N4BP1: variants seen among roughly 807,000 people sequenced by gnomAD.
N4BP1 encodes NEDD4-binding protein 1.
In N4BP1, 21 loss-of-function variants were observed where a neutral mutation model predicts 70.9. The ratio of observed to expected loss-of-function variants is 0.30; its 90% CI spans 0.21 to 0.43. The LOEUF is 0.43. N4BP1 is among the 20% of genes least tolerant of loss of function. The pLI, the probability that N4BP1 is intolerant of heterozygous loss-of-function variation, is 1.00. For synonymous variants in N4BP1, 387 were observed against 394.6 expected (o/e 0.98, Z 0.23); for missense variants, 936 against 1,069.4 (o/e 0.88, Z 1.74).
rs1049507170 is a variant in N4BP1, at chr16:48,542,760, T to C, written c.*144A>G. 2 of 695,154 alleles carry C rather than the reference T, an allele frequency of 2.9e-6. No individual in the cohort carries two copies. The highest frequency in any genetic ancestry group is 1.8e-5 in the African/African-American group (1 of 55,236). The allele number at this position is 695,154 out of a possible 1,614,324, so 43.1% of individuals were successfully genotyped here. ...AGCTGGTTTTGAAAACCCAGATTTATACCCAAAACATTTTTTTTCTGTACA... is the reference window on the plus strand; with the variant it reads ...AGCTGGTTTTGAAAACCCAGATTTACACCCAAAACATTTTTTTTCTGTACA... On this transcript the variant is annotated 3_prime_UTR_variant, in exon 7 of 7. Coordinates refer to ENST00000262384, the MANE Select transcript of N4BP1 (RefSeq NM_153029.4).
chr16:48,561,295 C>T lies in N4BP1; in HGVS notation c.1348G>A (p.Glu450Lys). 6.2e-7 allele frequency: 1 copy of T among 1,613,814 alleles called. No homozygotes were observed. Among genetic ancestry groups the T allele is most frequent in the South Asian group, 1.1e-5 (1 of 91,080 alleles). The change falls in exon 2 of 7, where the codon GAA (glutamate) becomes AAA (lysine). Residue 450 changes from glutamate (E) to lysine (K), a missense_variant. Transcript: ENST00000262384. Reference protein sequence around the residue: ...EKFSQLPFKVEAKPCTSNCRI... With the variant: ...EKFSQLPFKVKAKPCTSNCRI... ...CAATTTGAGGTACATGGTTTAGCTT[C>T]CACTTTGAATGGTAACTGAGAAAAT...
At chr16:48,577,104 G>A (rs1964105922) in intron 1 of N4BP1, among the ~76,000 whole-genome samples, 2 of 152,102 alleles carry the variant, frequency 1.3e-5, no homozygotes, top group African/African-American at 4.8e-5. Context: ...CCATTTCACT[G>A]GCAATCCCTT....
chr16:48,590,126 T>C (rs753181782), intron 1 of N4BP1, among the ~76,000 whole-genome samples: 1 of 152,090 alleles, frequency 6.6e-6, no homozygotes, highest in Non-Finnish European at 1.5e-5. Flanking sequence ...AATTAGTGGT[T>C]GAAATATTTT....
At chr16:48,549,348 T>A (rs1222724991) in intron 4 of N4BP1, among the ~76,000 whole-genome samples, 1 of 152,148 alleles carries the variant, frequency 6.6e-6, no homozygotes, top group Admixed American at 6.5e-5. Context: ...CCAGAAGTAT[T>A]AACAAAAATA....
At chr16:48,578,109 T>G (rs1964125024) in intron 1 of N4BP1, 1 of 161,866 alleles carries the variant, frequency 6.2e-6, no homozygotes, top group Non-Finnish European at 1.4e-5. Flanking sequence ...AGCCCCCAGT[T>G]AAAAGTCAAT....
rs1446751672 is a variant in N4BP1, at chr16:48,542,665, G to C, written c.*239C>G. 1 of 406,276 alleles carries C rather than the reference G, an allele frequency of 2.5e-6. No homozygotes were observed. Among genetic ancestry groups the C allele is most frequent in the Non-Finnish European group, 4.4e-6 (1 of 229,226 alleles). The allele number at this position is 406,276 out of a possible 1,614,324, so 25.2% of individuals were successfully genotyped here. A position where few individuals can be genotyped will look rare whatever the true frequency, so the allele number is the denominator to read the frequency against. On this transcript the variant is annotated 3_prime_UTR_variant, in exon 7 of 7. Coordinates refer to ENST00000262384, the MANE Select transcript of N4BP1 (RefSeq NM_153029.4). ...GCTATTAAACAGTTCTGAACAGGCAGAAAATGTAGACTTTCCTTTAACAGA... is the reference window on the plus strand; with the variant it reads ...GCTATTAAACAGTTCTGAACAGGCACAAAATGTAGACTTTCCTTTAACAGA...
At chr16:48,592,039 A>T (rs1014639005) in intron 1 of N4BP1, among the ~76,000 whole-genome samples, 20 of 152,142 alleles carry the variant, frequency 1.3e-4, no homozygotes, top group African/African-American at 4.8e-4. Context: ...TGCACGCTTT[A>T]ATCAAAGAAG....
chr16:48,574,824 T>TA (rs1341706136), intron 1 of N4BP1, among the ~76,000 whole-genome samples: 7 of 152,080 alleles, frequency 4.6e-5, no homozygotes, highest in Non-Finnish European at 7.4e-5. Context: ...GGTTACAAAA[T>TA]TAAGTAAGAG....
At chr16:48,568,737 C>T (rs1310899015) in intron 1 of N4BP1, among the ~76,000 whole-genome samples, 3 of 152,146 alleles carry the variant, frequency 2.0e-5, no homozygotes, top group Admixed American at 6.5e-5. Context: ...TTCTGTCCTT[C>T]GCAGTTTCTG....
chr16:48,598,311 C>T (rs1964449008), intron 1 of N4BP1, among the ~76,000 whole-genome samples: 2 of 152,182 alleles, frequency 1.3e-5, no homozygotes, highest in African/African-American at 4.8e-5. Context: ...TCCTCAGCTT[C>T]ATTAGGTCTT....
intron 1 of N4BP1, among the ~76,000 whole-genome samples, chr16:48,595,437 A>AT (rs1964396662): frequency 7.2e-6 from 1 of 138,200 alleles, no homozygotes; most frequent in Non-Finnish European, 1.5e-5. Context: ...AGCCTGGGCA[A>AT]TAGAGTGAGA....
intron 1 of N4BP1, among the ~76,000 whole-genome samples, chr16:48,566,208 C>G (rs887905887): frequency 6.6e-6 from 1 of 151,646 alleles, no homozygotes; most frequent in Admixed American, 6.6e-5. Flanking sequence ...CTTTTCTTTT[C>G]TTTCTTTTAT....
intron 1 of N4BP1, chr16:48,577,678 G>T (rs989071320): frequency 4.6e-6 from 1 of 215,230 alleles, no homozygotes; most frequent in East Asian, 1.1e-4. Context: ...CTTGGAGATG[G>T]CATCAAAGGT....
intron 1 of N4BP1, among the ~76,000 whole-genome samples, chr16:48,574,146 C>A (rs1938003267): frequency 6.6e-6 from 1 of 152,172 alleles, no homozygotes; most frequent in South Asian, 2.1e-4. Context: ...GGCTTAGAAG[C>A]AAGGAACTGC....
intron 1 of N4BP1, among the ~76,000 whole-genome samples, chr16:48,603,143 T>C (rs901160658): frequency 6.6e-6 from 1 of 152,232 alleles, no homozygotes; most frequent in Non-Finnish European, 1.5e-5. Context: ...TTTTCATTCT[T>C]ACCTTACTCC....
At chr16:48,585,481 A>G (rs1312708572) in intron 1 of N4BP1, among the ~76,000 whole-genome samples, 1 of 151,942 alleles carries the variant, frequency 6.6e-6, no homozygotes, top group Non-Finnish European at 1.5e-5. Flanking sequence ...TATTTAAAAA[A>G]AAAATAAATG....
At chr16:48,603,740 ACT>A (rs1427451687) in intron 1 of N4BP1, 2 of 151,826 alleles carry the variant, frequency 1.3e-5, no homozygotes, top group African/African-American at 4.8e-5. Context: ...CTCCGAAATT[ACT>A]CTGATTACAA....
chr16:48,548,129 G>A lies in N4BP1; in HGVS notation c.2118-15C>T, dbSNP rs747291756. 5.9e-6 allele frequency: 9 copies of A among 1,513,296 alleles called. No individual in the cohort carries two copies. The South Asian group carries it at 8.1e-5, about 14-fold the overall frequency. 93.7% of individuals were successfully genotyped at this position (1,513,296 alleles called of 1,614,324 possible). A position where few individuals can be genotyped will look rare whatever the true frequency, so the allele number is the denominator to read the frequency against. ...GTAGTAGAAACCTATGGTAATATAA[G>A]AGAGTTTAAAATCAGCAACAGGCAT... On this transcript the variant is annotated splice_polypyrimidine_tract_variant and intron_variant, in intron 4 of 6. Coordinates refer to ENST00000262384, the MANE Select transcript of N4BP1 (RefSeq NM_153029.4).
chr16:48,544,065 C>T (rs74935823), intron 6 of N4BP1, among the ~76,000 whole-genome samples: 4,419 of 152,258 alleles, frequency 0.029, 197 homozygotes, highest in African/African-American at 0.098. Flanking sequence ...ACACAGGCCT[C>T]GGGCCTGAAG....
Sources: gnomAD v4.1 joint callset for allele counts (sites outside exome capture counted in the v4.1 genomes callset) on GRCh38, gnomAD v4.1.1 for gene constraint, MANE v1.5 for transcripts, NCBI Gene and HGNC (gene_info 2026-07-23, HGNC 2026-07-21) for gene names.